Variants in TEX26 observed in about 807,000 individuals in gnomAD.
TEX26 encodes testis-expressed protein 26.
TEX26 carries 34 observed loss-of-function variants against 35.3 expected under a neutral mutation model. That is an observed-to-expected ratio of 0.96 (90% CI 0.73 to 1.28). TEX26 has a LOEUF of 1.28. TEX26 is among the 50% of genes most tolerant of loss of function. TEX26 has a pLI of 0.00. For missense variants in TEX26, 371 were observed against 330.1 expected (o/e 1.12, Z -0.96); for synonymous variants, 136 against 111.8 (o/e 1.22, Z -1.36).
At chr13:30,973,387 T>A (rs1032373392) in intron 6 of TEX26, 1 of 152,178 alleles carries the variant, frequency 6.6e-6, no homozygotes, top group East Asian at 1.9e-4. Context: ...GAGTGTTGAC[T>A]GGGAAGGTGC....
chr13:30,958,023 A>C, intron 4 of TEX26, among the ~76,000 whole-genome samples: 1 of 152,194 alleles, frequency 6.6e-6, no homozygotes, highest in Middle Eastern at 3.2e-3. Flanking sequence ...CCAGCACACT[A>C]TTCATCCTGC....
chr13:30,940,321 C>CTTT (rs1953432538), intron 2 of TEX26, among the ~76,000 whole-genome samples: 1 of 73,768 alleles, frequency 1.4e-5, no homozygotes, highest in African/African-American at 5.1e-5. Flanking sequence ...ACATCAGCTG[C>CTTT]CTTTTTTTTT....
In TEX26 at chr13:30,964,335, G is replaced by A. The variant is rs117979042; in HGVS notation, c.470-1887G>A. ...GGTGATTCTGATGTCATATTTCCAC[G>A]TGAGATCCACAGTTCCAAATGTTAT... On this transcript the variant is annotated intron_variant, in intron 4 of 6. Coordinates refer to ENST00000380473, the MANE Select transcript of TEX26 (RefSeq NM_152325.3). Among the ~76,000 whole-genome samples, 535 of 152,216 alleles carry A rather than the reference G, an allele frequency of 3.5e-3. 4 individuals carry two copies. The highest frequency in any genetic ancestry group is 0.024 in the East Asian group (124 of 5,174).
chr13:30,957,506 T>A (rs937193883), intron 4 of TEX26, among the ~76,000 whole-genome samples: 3 of 151,980 alleles, frequency 2.0e-5, no homozygotes, highest in Non-Finnish European at 4.4e-5. Context: ...CAGAAGCAAT[T>A]AAGAGGTTTT....
At chr13:30,933,891 C>G (rs991144822) in intron 1 of TEX26, 3 of 152,162 alleles carry the variant, frequency 2.0e-5, no homozygotes, top group Non-Finnish European at 4.4e-5. Flanking sequence ...CTAGGCTTAC[C>G]TTCTCTTTGT....
At chr13:30,971,529 C>T (rs188652612) in intron 6 of TEX26, among the ~76,000 whole-genome samples, 7 of 152,136 alleles carry the variant, frequency 4.6e-5, no homozygotes, top group East Asian at 3.9e-4. Flanking sequence ...AGAGACGGTG[C>T]GTGTTGGAGG....
intron 4 of TEX26, among the ~76,000 whole-genome samples, chr13:30,957,910 T>C (rs1365756820): frequency 6.6e-6 from 1 of 152,082 alleles, no homozygotes; most frequent in Non-Finnish European, 1.5e-5. Context: ...TGCCTTGGAG[T>C]TCCTTGTGGA....
Position 30,936,535 on chromosome 13 carries a change from C to T in TEX26, c.62-3159C>T, listed in dbSNP as rs140836707. ...TGACCCCTGGGCCTGCCCTTGCTGC[C>T]GCATCTTCTCATCCAAGCAAAAAGA... On this transcript the variant is annotated intron_variant, in intron 1 of 6. Transcript: ENST00000380473. Among the ~76,000 whole-genome samples the T allele has an allele frequency of 2.6e-3, 396 of 152,314 alleles. 2 individuals carry two copies. Among genetic ancestry groups the T allele is most frequent in the Non-Finnish European group, 4.0e-3 (272 of 68,024 alleles).
chr13:30,970,131 C>T (rs57790686), intron 6 of TEX26, among the ~76,000 whole-genome samples: 4,589 of 151,548 alleles, frequency 0.03, 254 homozygotes, highest in African/African-American at 0.11. Context: ...GACTGAAAAC[C>T]TACTGTAGTC....
At chr13:30,958,127 C>A (rs1024901785) in intron 4 of TEX26, among the ~76,000 whole-genome samples, 1 of 152,178 alleles carries the variant, frequency 6.6e-6, no homozygotes, top group Non-Finnish European at 1.5e-5. Flanking sequence ...CCTGGCTCTG[C>A]CCTTAGGGCT....
intron 4 of TEX26, 84 bp downstream of exon 4, chr13:30,957,113 C>T: frequency 7.1e-7 from 1 of 1,399,312 alleles, no homozygotes; most frequent in Non-Finnish European, 9.8e-7. Flanking sequence ...GTGTGTTCTT[C>T]TCCTTCAAGG....
intron 4 of TEX26, among the ~76,000 whole-genome samples, chr13:30,964,586 C>T (rs902478908): frequency 1.2e-4 from 18 of 152,146 alleles, no homozygotes; most frequent in African/African-American, 3.6e-4. Context: ...GCTTATAAAG[C>T]TCCTAGTGAA....
In TEX26 at chr13:30,932,665, A is replaced by G; in HGVS notation, c.-51A>G. On this transcript the variant is annotated 5_prime_UTR_variant, in exon 1 of 7. Transcript: ENST00000380473. ...TCACAAAGCAGCCCGCGGCTCCCGC[A>G]AGCGCTGAGATAGCTGGAGCCAGGG... The G allele has an allele frequency of 6.3e-7, 1 of 1,593,020 alleles. No individual in the cohort carries two copies. Among genetic ancestry groups the G allele is most frequent in the Non-Finnish European group, 8.6e-7 (1 of 1,169,112 alleles).
chr13:30,969,238 C>A (rs1954640244), intron 6 of TEX26, among the ~76,000 whole-genome samples, 192 bp downstream of exon 6: 1 of 151,794 alleles, frequency 6.6e-6, no homozygotes, highest in Non-Finnish European at 1.5e-5. Context: ...TAAGGAGGCC[C>A]AGTGACTATA....
intron 6 of TEX26, among the ~76,000 whole-genome samples, chr13:30,971,999 A>G (rs12874919): frequency 3.3e-5 from 5 of 152,126 alleles, no homozygotes; most frequent in African/African-American, 2.4e-5. Flanking sequence ...AGAAATGCTC[A>G]GTTGATACAA....
intron 4 of TEX26, 95 bp downstream of exon 4, chr13:30,957,124 A>G: frequency 7.8e-7 from 1 of 1,288,418 alleles, no homozygotes; most frequent in South Asian, 1.4e-5. Flanking sequence ...TCCTTCAAGG[A>G]ACTTGAAGTC....
At chr13:30,969,166 C>CAA (rs35969747) in intron 6 of TEX26, 120 bp downstream of exon 6, 26,549 of 595,106 alleles carry the variant, frequency 0.045, 5 homozygotes, top group East Asian at 0.091. Context: ...AACATTGCCT[C>CAA]AAAAAAAAAA....
intron 2 of TEX26, among the ~76,000 whole-genome samples, chr13:30,944,757 G>T (rs1039294909): frequency 1.3e-5 from 2 of 151,914 alleles, no homozygotes; most frequent in Non-Finnish European, 2.9e-5. Flanking sequence ...AGTTTTGAGA[G>T]TTCCTTTTGG....
intron 6 of TEX26, among the ~76,000 whole-genome samples, chr13:30,973,102 T>A (rs1954766866): frequency 6.6e-6 from 1 of 152,240 alleles, no homozygotes; most frequent in Admixed American, 6.5e-5. Context: ...ACCACTTTAT[T>A]CTTAATAGCC....
Sources: allele counts gnomAD v4.1 joint callset (sites outside exome capture counted in the v4.1 genomes callset), GRCh38; gene constraint gnomAD v4.1.1; transcripts MANE v1.5; gene names NCBI Gene and HGNC (gene_info 2026-07-23, HGNC 2026-07-21).